BCAR3: variants seen among roughly 807,000 people sequenced by gnomAD.
BCAR3 encodes the protein breast cancer anti-estrogen resistance protein 3.
In BCAR3, 37 loss-of-function variants were observed where a neutral mutation model predicts 80.1. That is an observed-to-expected ratio of 0.46 (90% CI 0.36 to 0.61). The LOEUF is 0.61. Ranked by LOEUF, BCAR3 falls within the 20% of genes least tolerant of loss-of-function variation. The pLI is 0.00. For missense variants in BCAR3, 978 were observed against 1,068.2 expected (o/e 0.92, Z 1.18); for synonymous variants, 389 against 418.9 (o/e 0.93, Z 0.87).
Position 93,810,192 on chromosome 1 carries a change from CAA to C in BCAR3, c.-63+35373_-63+35374del, listed in dbSNP as rs111305058. 2.3e-3 allele frequency among the ~76,000 whole-genome samples: 228 copies of C among 98,768 alleles called. 1 individual carries two copies. The highest frequency in any genetic ancestry group is 5.9e-3 in the African/African-American group (172 of 28,968). 64.8% of individuals were successfully genotyped at this position (98,768 alleles called of 152,430 possible). ...TGGGTGACAGAGCAAGACTCCATCT[CAA>C]AAAAAAAAAAAAAAGAAATTGCTGT... On this transcript the variant is annotated intron_variant, in intron 2 of 13. Transcript: ENST00000370244.
chr1:93,706,908 G>A (rs956839319), intron 2 of BCAR3, among the ~76,000 whole-genome samples: 7 of 152,210 alleles, frequency 4.6e-5, no homozygotes, highest in African/African-American at 1.7e-4. Context: ...CGGGCGCAGG[G>A]GCTTACGCCT....
chr1:93,785,384 G>A (rs1652903326), intron 2 of BCAR3, among the ~76,000 whole-genome samples: 1 of 152,206 alleles, frequency 6.6e-6, no homozygotes, highest in Non-Finnish European at 1.5e-5. Context: ...GTTTTACTAA[G>A]GGAACCACCA....
At chr1:93,658,689 T>C (rs1647505479) in intron 2 of BCAR3, among the ~76,000 whole-genome samples, 1 of 152,132 alleles carries the variant, frequency 6.6e-6, no homozygotes, top group African/African-American at 2.4e-5. Flanking sequence ...TTCTTGGATA[T>C]AAAAGCGCTA....
chr1:93,562,543 G>A (rs1482342013), intron 11 of BCAR3, 124 bp from the exon 12 acceptor site: 4 of 733,170 alleles, frequency 5.5e-6, no homozygotes, highest in Non-Finnish European at 8.6e-6. Context: ...GCCGAGGTGG[G>A]TGGATCACAA....
intron 2 of BCAR3, among the ~76,000 whole-genome samples, chr1:93,763,628 G>T (rs1652035478): frequency 6.6e-6 from 1 of 152,130 alleles, no homozygotes; most frequent in Non-Finnish European, 1.5e-5. Context: ...CTTCTCAGTT[G>T]TTCTCCAGTC....
At chr1:93,816,978 C>CA (rs35374884) in intron 2 of BCAR3, among the ~76,000 whole-genome samples, 58 of 148,816 alleles carry the variant, frequency 3.9e-4, no homozygotes, top group East Asian at 9.8e-4. Context: ...ACCACCCCCT[C>CA]AAAAAAAAAA....
intron 10 of BCAR3, 31 bp downstream of exon 10, chr1:93,567,709 A>T: frequency 6.3e-7 from 1 of 1,581,582 alleles, no homozygotes; most frequent in Non-Finnish European, 8.7e-7. Context: ...CCAGCGGGGT[A>T]GCCCCATGCT....
chr1:93,613,924 T>C (rs1161984668), intron 3 of BCAR3: 1 of 1,550,316 alleles, frequency 6.5e-7, no homozygotes, highest in African/African-American at 1.4e-5. Context: ...CTGCATTCCT[T>C]AGGCATCTTT....
In BCAR3 at chr1:93,588,997, C is replaced by G. The variant is rs761473184; in HGVS notation, c.909G>C (p.Leu303Phe). The G allele has an allele frequency of 6.3e-7, 1 of 1,580,202 alleles. No homozygotes were observed. The highest frequency in any genetic ancestry group is 1.7e-5 in the Admixed American group (1 of 58,442). Residue 303 changes from leucine to phenylalanine, a missense_variant, in exon 5 of 12, where the codon TTG becomes TTC. Physicochemically the swap from Leu to Phe is conservative, Grantham distance 22. Coordinates refer to ENST00000260502, the MANE Select transcript of BCAR3 (RefSeq NM_003567.4). ...MGGVQAREQN[L>F]PRGNLLRNKE... ...CCTACCTGAGGAGGTTTCCCCTGGG[C>G]AAATTCTGCTCTCGGGCCTGGACGC...
chr1:93,776,019 A>G (rs946807369), intron 2 of BCAR3, among the ~76,000 whole-genome samples: 5 of 152,228 alleles, frequency 3.3e-5, no homozygotes, highest in African/African-American at 1.2e-4. Context: ...TCAGCTAGCC[A>G]GTAGCTTCCA....
At chr1:93,810,734 C>T (rs997526894) in intron 2 of BCAR3, among the ~76,000 whole-genome samples, 3 of 152,204 alleles carry the variant, frequency 2.0e-5, no homozygotes, top group Non-Finnish European at 4.4e-5. Flanking sequence ...CCAAAGCTCT[C>T]TGGTCATTCA....
intron 2 of BCAR3, among the ~76,000 whole-genome samples, chr1:93,844,589 C>A (rs911638443): frequency 2.6e-5 from 4 of 152,156 alleles, no homozygotes; most frequent in African/African-American, 9.7e-5. Flanking sequence ...CCCCAGATGG[C>A]AACTAAATAC....
intron 1 of BCAR3, among the ~76,000 whole-genome samples, chr1:93,679,328 G>A (rs780488164): frequency 3.3e-5 from 5 of 152,180 alleles, no homozygotes; most frequent in Non-Finnish European, 5.9e-5. Flanking sequence ...CACAAAGGAA[G>A]TAACTCTGAG....
chr1:93,738,473 C>G (rs1028022826), intron 2 of BCAR3, among the ~76,000 whole-genome samples: 2 of 152,264 alleles, frequency 1.3e-5, no homozygotes, highest in African/African-American at 4.8e-5. Flanking sequence ...CGCCCTCCCC[C>G]GCCATGGGTC....
chr1:93,567,562 T>TA (rs1673008287), intron 10 of BCAR3, 71 bp from the exon 11 acceptor site: 1 of 1,544,192 alleles, frequency 6.5e-7, no homozygotes, highest in African/African-American at 1.4e-5. Flanking sequence ...AGGTGACTCA[T>TA]AGCCCTTGTC....
chr1:93,636,128 C>T (rs989395025), intron 3 of BCAR3, among the ~76,000 whole-genome samples: 16 of 152,154 alleles, frequency 1.1e-4, no homozygotes, highest in Non-Finnish European at 5.9e-5. Flanking sequence ...TGGCCTGTAA[C>T]GTCTATAGAC....
intron 2 of BCAR3, among the ~76,000 whole-genome samples, chr1:93,730,315 A>G (rs1650740572): frequency 6.6e-6 from 1 of 151,888 alleles, no homozygotes; most frequent in Non-Finnish European, 1.5e-5. Flanking sequence ...GGAACTTTCC[A>G]TCTTATTGCT....
chr1:93,812,619 T>A (rs764157422), intron 2 of BCAR3, among the ~76,000 whole-genome samples: 1 of 152,190 alleles, frequency 6.6e-6, no homozygotes, highest in Non-Finnish European at 1.5e-5. Flanking sequence ...TGGCATTTCA[T>A]CCATGAGGCT....
rs112118224 is a variant in BCAR3 at position 93,612,290 on chromosome 1, T to G, written c.358-19897A>C. Among the ~76,000 whole-genome samples, 18 of 151,774 alleles carry G rather than the reference T, an allele frequency of 1.2e-4. 1 individual carries two copies. The highest frequency in any genetic ancestry group is 3.9e-4 in the African/African-American group (16 of 41,362). ...AGACTTCGACAAACTGGGAATAGAG[T>G]AGAAGTCCAGGCGGAAAGAAGGGTG... On this transcript the variant is annotated intron_variant, in intron 3 of 11. Transcript: ENST00000260502.
Sources: gnomAD v4.1 joint callset for allele counts (sites outside exome capture counted in the v4.1 genomes callset) on GRCh38, gnomAD v4.1.1 for gene constraint, MANE v1.5 for transcripts, NCBI Gene and HGNC (gene_info 2026-07-23, HGNC 2026-07-21) for gene names.